KLC4: variants seen among roughly 807,000 people sequenced by gnomAD.
The protein encoded by KLC4 is kinesin light chain 4.
A neutral mutation model predicts 77.2 loss-of-function variants in KLC4; 49 were observed. The observed-to-expected ratio is 0.63, with a 90% confidence interval of 0.50 to 0.80. KLC4 has a LOEUF of 0.80. Among genes scored for constraint, KLC4 ranks in the 30% least tolerant of loss-of-function variants. The pLI, the probability that KLC4 is intolerant of heterozygous loss-of-function variation, is 0.00. For missense variants in KLC4, 669 were observed against 793.5 expected (o/e 0.84, Z 1.89); for synonymous variants, 274 against 314.5 (o/e 0.87, Z 1.36).
At chr6:43,072,282 C>A in intron 12 of KLC4, 27 bp downstream of exon 12, 1 of 1,560,866 alleles carries the variant, frequency 6.4e-7, no homozygotes, top group South Asian at 1.1e-5. Flanking sequence ...GGAAGGAGGT[C>A]CTAGAGGGAA....
chr6:43,060,410 A>G, intron 1 of KLC4: 1 of 875,278 alleles, frequency 1.1e-6, no homozygotes, highest in Non-Finnish European at 1.6e-6. Flanking sequence ...GGGCAGAGGG[A>G]GGGAGGGAGG....
At chr6:43,069,543 C>G (rs1765619496) in intron 6 of KLC4, among the ~76,000 whole-genome samples, 1 of 151,992 alleles carries the variant, frequency 6.6e-6, no homozygotes, top group Non-Finnish European at 1.5e-5. Flanking sequence ...CCACACCCAG[C>G]TGAAAAGTTA....
intron 3 of KLC4, among the ~76,000 whole-genome samples, chr6:43,064,943 G>A (rs57701001): frequency 0.1 from 15,170 of 152,134 alleles, 1,121 homozygotes; most frequent in East Asian, 0.19. Flanking sequence ...CAATAAGATC[G>A]GCCACACTCC....
At chr6:43,071,515 G>C (rs950624455) in intron 9 of KLC4, 52 bp from the exon 10 acceptor site, 2 of 1,596,228 alleles carry the variant, frequency 1.3e-6, no homozygotes, top group South Asian at 1.1e-5. Flanking sequence ...CTGGCTCTCC[G>C]ACACTGTCTA....
At chr6:43,072,601 G>A in intron 12 of KLC4, 1 of 580,030 alleles carries the variant, frequency 1.7e-6, no homozygotes. Context: ...ATAGTAGGTT[G>A]TGAAATCAAT....
At chr6:43,060,267 G>T (rs762275982) in intron 1 of KLC4, 12 of 1,613,860 alleles carry the variant, frequency 7.4e-6, no homozygotes, top group African/African-American at 5.3e-5. Flanking sequence ...TCCCAGACAC[G>T]CCTCTTGCTG....
chr6:43,070,213 A>T (rs1364015977), intron 6 of KLC4, 141 bp from the exon 7 acceptor site: 2 of 570,350 alleles, frequency 3.5e-6, no homozygotes, highest in Non-Finnish European at 6.2e-6. Flanking sequence ...CCCTCCCTTC[A>T]GCCCCTGGCT....
At chr6:43,064,990 C>T (rs968273326) in intron 3 of KLC4, among the ~76,000 whole-genome samples, 9 of 152,004 alleles carry the variant, frequency 5.9e-5, no homozygotes, top group African/African-American at 1.7e-4. Flanking sequence ...ATACAATCAA[C>T]GTAAACACAC....
chr6:43,064,810 G>C (rs896445229), intron 3 of KLC4, among the ~76,000 whole-genome samples: 2 of 152,198 alleles, frequency 1.3e-5, no homozygotes, highest in African/African-American at 2.4e-5. Flanking sequence ...TTCCTGATGG[G>C]GAAAAGCAGA....
chr6:43,069,257 T>C (rs897358926), intron 6 of KLC4, among the ~76,000 whole-genome samples: 4 of 152,208 alleles, frequency 2.6e-5, no homozygotes, highest in African/African-American at 9.6e-5. Context: ...TTTTGTTTTG[T>C]TTTTTGAGAT....
intron 2 of KLC4, among the ~76,000 whole-genome samples, chr6:43,061,822 G>T (rs891043941): frequency 2.0e-5 from 3 of 152,074 alleles, no homozygotes; most frequent in Admixed American, 6.5e-5. Context: ...TTCTAGCTTG[G>T]GAAGACAGAC....
At chr6:43,073,102 T>C (rs1765809635) in intron 13 of KLC4, 121 bp from the exon 14 acceptor site, 1 of 1,335,600 alleles carries the variant, frequency 7.5e-7, no homozygotes, top group Admixed American at 2.3e-5. Flanking sequence ...GACAGGACTT[T>C]TATTTCCAGT....
intron 1 of KLC4, chr6:43,060,103 G>T: frequency 6.4e-7 from 1 of 1,555,198 alleles, no homozygotes; most frequent in Non-Finnish European, 8.7e-7. Flanking sequence ...CCCGGCAGCC[G>T]TTCAGCAGAC....
At chr6:43,074,242 A>T (rs1241377305) in intron 15 of KLC4, 1 of 461,324 alleles carries the variant, frequency 2.2e-6, no homozygotes, top group Non-Finnish European at 3.8e-6. Context: ...TAATTTAAGA[A>T]TTATTTGGAG....
chr6:43,073,909 A>T lies in KLC4; in HGVS notation c.1753A>T (p.Met585Leu). 5 of 1,614,118 alleles carry T rather than the reference A, an allele frequency of 3.1e-6. No individual in the cohort carries two copies. Among genetic ancestry groups the T allele is most frequent in the Non-Finnish European group, 4.2e-6 (5 of 1,179,968 alleles). ...TTCCGTTTTCCATTGTAGCAGCAAC[A>T]TGAAGCGAGCAGCCTCCTTGAACTA... is the stretch of plus-strand genomic sequence containing the variant. Reference protein sequence around the residue: ...GTEPRPSSSNMKRAASLNYLN... With the variant: ...GTEPRPSSSNLKRAASLNYLN... The change falls in exon 15 of 16, where the codon ATG becomes TTG. Residue 585 changes from methionine to leucine, a missense_variant. Met to Leu is a conservative substitution (Grantham distance 15). Coordinates refer to ENST00000347162, the MANE Select transcript of KLC4 (RefSeq NM_201521.3).
rs1581995987 is a variant in KLC4, at chr6:43,060,672, G to T, written c.-25-639G>T. On this transcript the variant is annotated intron_variant, in intron 1 of 15. Coordinates refer to ENST00000347162, the MANE Select transcript of KLC4 (RefSeq NM_201521.3). Reference sequence around the variant, plus strand: ...AAGTGGGAACACAGTCTGAGTCCTGGGGGGTGGGAAGTATGGGTTGAAGGT... The same window carrying T: ...AAGTGGGAACACAGTCTGAGTCCTGTGGGGTGGGAAGTATGGGTTGAAGGT... 8.5e-6 allele frequency: 9 copies of T among 1,057,182 alleles called. No homozygotes were observed. The South Asian group carries it at 2.2e-4, about 26-fold the overall frequency. 65.5% of individuals were successfully genotyped at this position (1,057,182 alleles called of 1,614,324 possible). A position where few individuals can be genotyped will look rare whatever the true frequency, so the allele number is the denominator to read the frequency against.
intron 2 of KLC4, among the ~76,000 whole-genome samples, chr6:43,062,091 A>C (rs754610343): frequency 2.0e-5 from 3 of 152,228 alleles, no homozygotes; most frequent in Non-Finnish European, 4.4e-5. Flanking sequence ...TCTGAATGGA[A>C]GTCTGCCTGG....
At position 43,060,565 on chromosome 6, in the gene KLC4, T is replaced by C. The variant is rs1013898414; in HGVS notation, c.-25-746T>C. ...CTGCAGAACAGTTTCTTCCGTGCTC[T>C]GGCCTGAGTGCCACAGCCAGGGCCT... is the stretch of plus-strand genomic sequence containing the variant. On this transcript the variant is annotated intron_variant, in intron 1 of 15. Transcript: ENST00000347162. 7 of 1,231,776 alleles carry C rather than the reference T, an allele frequency of 5.7e-6. No homozygotes were observed. The African/African-American group carries it at 1.1e-4, about 19-fold the overall frequency. The allele number at this position is 1,231,776 out of a possible 1,614,324, so 76.3% of individuals were successfully genotyped here.
At chr6:43,069,727 T>C (rs1373546863) in intron 6 of KLC4, among the ~76,000 whole-genome samples, 1 of 151,982 alleles carries the variant, frequency 6.6e-6, no homozygotes, top group African/African-American at 2.4e-5. Context: ...TTTGTACTTT[T>C]AGTAGAGACG....
Sources: allele counts gnomAD v4.1 joint callset (sites outside exome capture counted in the v4.1 genomes callset), GRCh38; gene constraint gnomAD v4.1.1; transcripts MANE v1.5; gene names NCBI Gene and HGNC (gene_info 2026-07-23, HGNC 2026-07-21).